FOXP2: variants seen among roughly 807,000 people sequenced by gnomAD.
FOXP2 encodes the protein forkhead box protein P2.
Under a neutral mutation model 115.8 loss-of-function variants are expected in FOXP2, and 12 were observed. That is an observed-to-expected ratio of 0.10 (90% CI 0.07 to 0.17). The LOEUF (loss-of-function observed/expected upper bound fraction) is 0.17. FOXP2 is among the 10% of genes least tolerant of loss of function. FOXP2 has a pLI of 1.00. For synonymous variants in FOXP2, 328 were observed against 297.7 expected, an observed-to-expected ratio of 1.10 and a Z score of -1.05; for missense variants, 629 against 843.5, an observed-to-expected ratio of 0.75 and a Z score of 3.15.
chr7:114,547,620 G>A (rs774301718), intron 3 of FOXP2, among the ~76,000 whole-genome samples: 5 of 152,088 alleles, frequency 3.3e-5, no homozygotes, highest in East Asian at 1.9e-4. Context: ...TTATCTGGGC[G>A]TGGTGGCACG....
chr7:114,096,086 C>T (rs1273182130), intron 1 of FOXP2, among the ~76,000 whole-genome samples: 1 of 152,126 alleles, frequency 6.6e-6, no homozygotes, highest in East Asian at 1.9e-4. Context: ...CATCACGTGA[C>T]ATATACATCA....
At chr7:114,545,548 G>A (rs892476535) in intron 3 of FOXP2, among the ~76,000 whole-genome samples, 1 of 151,886 alleles carries the variant, frequency 6.6e-6, no homozygotes, top group African/African-American at 2.4e-5. Context: ...TATCTGCTAC[G>A]CTCAATGGGC....
At chr7:114,236,093 A>G (rs915247447) in intron 1 of FOXP2, among the ~76,000 whole-genome samples, 4 of 152,198 alleles carry the variant, frequency 2.6e-5, no homozygotes, top group African/African-American at 9.6e-5. Context: ...TGCTGAATAA[A>G]TATTTGTTGA....
intron 2 of FOXP2, among the ~76,000 whole-genome samples, chr7:114,512,865 T>C (rs1322332198): frequency 1.3e-5 from 2 of 152,064 alleles, no homozygotes; most frequent in African/African-American, 4.8e-5. Flanking sequence ...AGGTTGATCA[T>C]GAGGTCAAGA....
chr7:114,512,344 CAT>C (rs1798117948), intron 2 of FOXP2, among the ~76,000 whole-genome samples: 1 of 152,134 alleles, frequency 6.6e-6, no homozygotes, highest in Admixed American at 6.6e-5. Context: ...TTTGTGTTAT[CAT>C]AGAAACAGTG....
intron 10 of FOXP2, among the ~76,000 whole-genome samples, chr7:114,655,407 T>C (rs748647161): frequency 5.9e-5 from 9 of 152,130 alleles, no homozygotes; most frequent in Non-Finnish European, 1.2e-4. Flanking sequence ...AGTATTACAT[T>C]ACATAAACCA....
chr7:114,492,090 T>C lies in FOXP2; in HGVS notation c.169-42527T>C, dbSNP rs199999323. 4.6e-5 allele frequency among the ~76,000 whole-genome samples: 7 copies of C among 152,030 alleles called. No homozygotes were observed. In the East Asian group the frequency reaches 9.7e-4, roughly 21 times the overall value. ...ATTAATTATTGCCTCAATTTCAGAG[T>C]CTGTTATTGGTCTATTCAGAGATTC... On this transcript the variant is annotated intron_variant, in intron 2 of 16. Coordinates refer to ENST00000350908, the MANE Select transcript of FOXP2 (RefSeq NM_014491.4).
chr7:114,166,424 C>T (rs1792982608), intron 1 of FOXP2, among the ~76,000 whole-genome samples: 1 of 152,116 alleles, frequency 6.6e-6, no homozygotes, highest in African/African-American at 2.4e-5. Flanking sequence ...AAACATATGG[C>T]CAGGTGTGGT....
intron 1 of FOXP2, among the ~76,000 whole-genome samples, chr7:114,195,751 G>C (rs1186880900): frequency 6.6e-6 from 1 of 152,022 alleles, no homozygotes; most frequent in South Asian, 2.1e-4. Context: ...AGGAAGAAAG[G>C]GCTTACTAAG....
At chr7:114,221,927 A>G (rs1311406395) in intron 1 of FOXP2, among the ~76,000 whole-genome samples, 1 of 152,008 alleles carries the variant, frequency 6.6e-6, no homozygotes, top group Non-Finnish European at 1.5e-5. Flanking sequence ...ATTCTATTCC[A>G]TCAAGCCACT....
intron 2 of FOXP2, among the ~76,000 whole-genome samples, chr7:114,365,300 C>G (rs972674164): frequency 2.6e-4 from 39 of 151,998 alleles, no homozygotes; most frequent in Non-Finnish European, 4.9e-4. Context: ...CAGCAGAACC[C>G]TATTTTATTC....
intron 2 of FOXP2, among the ~76,000 whole-genome samples, chr7:114,356,000 T>C (rs1360945386): frequency 6.6e-6 from 1 of 152,200 alleles, no homozygotes; most frequent in Non-Finnish European, 1.5e-5. Context: ...TTTCTAACTT[T>C]TAAAAAATCA....
chr7:114,378,684 C>CAAAAAAAAAAAAA (rs398005920), intron 2 of FOXP2, among the ~76,000 whole-genome samples: 4,416 of 17,868 alleles, frequency 0.25, 1,118 homozygotes, highest in Non-Finnish European at 0.34. Flanking sequence ...ACCCTGTCTC[C>CAAAAAAAAAAAAA]AAAAAAAAAA....
chr7:114,576,649 TATTC>T (rs1801592791), intron 3 of FOXP2, among the ~76,000 whole-genome samples: 1 of 151,936 alleles, frequency 6.6e-6, no homozygotes, highest in Admixed American at 6.6e-5. Context: ...GTGGCAATAA[TATTC>T]ATTTATGGTG....
intron 1 of FOXP2, among the ~76,000 whole-genome samples, chr7:114,231,525 T>C (rs1176555503): frequency 1.3e-5 from 2 of 152,056 alleles, no homozygotes; most frequent in South Asian, 2.1e-4. Context: ...CGTGAAGACA[T>C]ACCAATAGAA....
At chr7:114,149,406 A>G (rs1792469838) in intron 1 of FOXP2, among the ~76,000 whole-genome samples, 2 of 152,210 alleles carry the variant, frequency 1.3e-5, no homozygotes, top group African/African-American at 4.8e-5. Flanking sequence ...ATAAACTAAT[A>G]AAAAAGCTGT....
chr7:114,454,428 A>C (rs1008798879), intron 2 of FOXP2, among the ~76,000 whole-genome samples: 14 of 151,938 alleles, frequency 9.2e-5, no homozygotes, highest in Non-Finnish European at 4.4e-5. Context: ...ATGGGTCTGT[A>C]AACTAGTTCA....
At chr7:114,558,642 T>G (rs1800588969) in intron 3 of FOXP2, among the ~76,000 whole-genome samples, 1 of 152,208 alleles carries the variant, frequency 6.6e-6, no homozygotes, top group South Asian at 2.1e-4. Context: ...GTCTTAAATG[T>G]TCTTCATCTT....
intron 2 of FOXP2, among the ~76,000 whole-genome samples, chr7:114,533,427 A>T (rs963287702): frequency 6.6e-6 from 1 of 151,948 alleles, no homozygotes; most frequent in Non-Finnish European, 1.5e-5. Context: ...TGTTCACACC[A>T]GCTGGCAGTG....
Sources: gnomAD v4.1 joint callset for allele counts (sites outside exome capture counted in the v4.1 genomes callset) on GRCh38, gnomAD v4.1.1 for gene constraint, MANE v1.5 for transcripts, NCBI Gene and HGNC (gene_info 2026-07-23, HGNC 2026-07-21) for gene names.